STK39: variants seen among roughly 807,000 people sequenced by gnomAD.
The protein encoded by STK39 is STE20/SPS1-related proline-alanine-rich protein kinase.
A neutral mutation model predicts 77.8 loss-of-function variants in STK39; 20 were observed. That is an observed-to-expected ratio of 0.26 (90% confidence interval 0.18 to 0.37). The LOEUF (loss-of-function observed/expected upper bound fraction) is 0.37. Among genes scored for constraint, STK39 ranks in the 10% least tolerant of loss-of-function variants. The pLI, the probability that STK39 is intolerant of heterozygous loss-of-function variation, is 1.00. For missense variants in STK39, 479 were observed against 656.5 expected, an observed-to-expected ratio of 0.73 and a Z score of 2.95; for synonymous variants, 246 against 234.1, an observed-to-expected ratio of 1.05 and a Z score of -0.47.
At chr2:168,181,915 C>T (rs1474932413) in intron 2 of STK39, 63 bp downstream of exon 2, 5 of 1,417,834 alleles carry the variant, frequency 3.5e-6, no homozygotes, top group Non-Finnish European at 5.0e-6. Flanking sequence ...TTCTCCCAAC[C>T]ATCCCCATAT....
At position 168,135,534 on chromosome 2, in the gene STK39, C is replaced by T. The variant is rs569918823; in HGVS notation, c.974+2554G>A. 3.9e-5 allele frequency among the ~76,000 whole-genome samples: 6 copies of T among 152,250 alleles called. No homozygotes were observed. The South Asian group carries it at 6.2e-4, about 16-fold the overall frequency. ...CACAAAAAGAGGGATAGAAAGGGGA[C>T]AGAGGAAGGGCAAGAACTCTCCAAT... On this transcript the variant is annotated intron_variant, in intron 8 of 17. Transcript: ENST00000355999.
chr2:168,169,972 T>C (rs1300545387), intron 2 of STK39, among the ~76,000 whole-genome samples: 2 of 152,154 alleles, frequency 1.3e-5, no homozygotes, highest in Admixed American at 6.5e-5. Context: ...CCCCAACTCC[T>C]GCACCATCCA....
intron 1 of STK39, among the ~76,000 whole-genome samples, chr2:168,244,347 C>T (rs1184966581): frequency 6.6e-6 from 1 of 152,102 alleles, no homozygotes; most frequent in African/African-American, 2.4e-5. Flanking sequence ...CAAACTCTGC[C>T]CAGAAGGAAA....
At chr2:167,955,767 A>G (rs1691748400) in intron 17 of STK39, among the ~76,000 whole-genome samples, 197 bp from the exon 18 acceptor site, 1 of 152,248 alleles carries the variant, frequency 6.6e-6, no homozygotes, top group Non-Finnish European at 1.5e-5. Flanking sequence ...TGTGGCCATC[A>G]TGCTATGAAG....
chr2:168,008,862 C>T (rs1684198622), intron 16 of STK39, among the ~76,000 whole-genome samples: 1 of 152,088 alleles, frequency 6.6e-6, no homozygotes, highest in Non-Finnish European at 1.5e-5. Flanking sequence ...CCCAATACTG[C>T]CAATAGGTCA....
chr2:168,015,026 T>C (rs1684370289), intron 15 of STK39, among the ~76,000 whole-genome samples: 1 of 152,232 alleles, frequency 6.6e-6, no homozygotes, highest in Non-Finnish European at 1.5e-5. Context: ...AAATATTCCA[T>C]ATCTGCGTGC....
chr2:168,233,660 G>GTT (rs1181085865), intron 1 of STK39, among the ~76,000 whole-genome samples: 5 of 152,150 alleles, frequency 3.3e-5, no homozygotes, highest in African/African-American at 1.2e-4. Flanking sequence ...CAAATTCACC[G>GTT]TTTAAGTGAC....
chr2:168,094,973 C>T (rs2105440192), intron 10 of STK39, among the ~76,000 whole-genome samples: 1 of 152,248 alleles, frequency 6.6e-6, no homozygotes, highest in African/African-American at 2.4e-5. Context: ...TCTGTTTTGC[C>T]TTCCATGTCC....
At chr2:168,115,164 AAC>A (rs1687226411) in intron 10 of STK39, among the ~76,000 whole-genome samples, 1 of 152,204 alleles carries the variant, frequency 6.6e-6, no homozygotes, top group Non-Finnish European at 1.5e-5. Flanking sequence ...CTCTCTACAA[AAC>A]AGCTAACTGT....
At chr2:167,967,184 C>A (rs1559037170) in intron 16 of STK39, among the ~76,000 whole-genome samples, 1 of 152,328 alleles carries the variant, frequency 6.6e-6, no homozygotes, top group East Asian at 1.9e-4. Context: ...TCAGTAGCCA[C>A]TGACTCATTT....
At chr2:168,001,252 T>C (rs1399092243) in intron 16 of STK39, among the ~76,000 whole-genome samples, 1 of 142,138 alleles carries the variant, frequency 7.0e-6, no homozygotes, top group Non-Finnish European at 1.5e-5. Flanking sequence ...CTATGATGTA[T>C]CAATTTGGAA....
intron 17 of STK39, among the ~76,000 whole-genome samples, chr2:167,958,064 G>A (rs1187893438): frequency 2.0e-5 from 3 of 152,284 alleles, no homozygotes; most frequent in Non-Finnish European, 2.9e-5. Flanking sequence ...AAGCACAAAT[G>A]AGGGTGATAT....
In STK39 at chr2:167,955,564, C is replaced by T. The variant is rs1691741039; in HGVS notation, c.1570G>A (p.Gly524Ser). The change falls in exon 18 of 18, where the codon GGC becomes AGC. Residue 524 changes from glycine (G) to serine (S), a missense_variant. This residue lies in a region of STK39 where 244 missense variants were observed against 296.8 expected (regional missense o/e 0.82). Coordinates refer to ENST00000355999, the MANE Select transcript of STK39 (RefSeq NM_013233.3). ...LKTLTFKLAS[G>S]CDGSEIPDEV... ...TCAGGAATCTCCGACCCATCACAGC[C>T]AGAAGCCTGAAAAGGGAAAAAGAAA... 1 of 1,613,438 alleles carries T rather than the reference C, an allele frequency of 6.2e-7. No individual in the cohort carries two copies. The highest frequency in any genetic ancestry group is 1.3e-5 in the African/African-American group (1 of 74,898).
At chr2:168,235,423 G>A (rs1231072179) in intron 1 of STK39, among the ~76,000 whole-genome samples, 2 of 150,610 alleles carry the variant, frequency 1.3e-5, no homozygotes, top group African/African-American at 2.5e-5. Flanking sequence ...ACTGAATTAG[G>A]GCAGAATCAC....
chr2:167,979,532 G>C (rs1369696995), intron 16 of STK39, among the ~76,000 whole-genome samples: 1 of 152,202 alleles, frequency 6.6e-6, no homozygotes, highest in Non-Finnish European at 1.5e-5. Context: ...TGCTGAATTA[G>C]GTAGAAGCCT....
intron 5 of STK39, among the ~76,000 whole-genome samples, chr2:168,159,299 G>A (rs553763788): frequency 5.3e-5 from 8 of 152,052 alleles, no homozygotes; most frequent in Non-Finnish European, 1.0e-4. Context: ...TGTATTATTT[G>A]TCCAGGTAGC....
intron 4 of STK39, 49 bp downstream of exon 4, chr2:168,163,690 T>G (rs202072323): frequency 1.3e-5 from 21 of 1,610,150 alleles, no homozygotes; most frequent in Non-Finnish European, 1.8e-5. Context: ...TTCCAAAACC[T>G]CTTTAAGATA....
intron 16 of STK39, among the ~76,000 whole-genome samples, chr2:167,983,238 G>A (rs987971422): frequency 1.3e-5 from 2 of 152,070 alleles, no homozygotes; most frequent in Non-Finnish European, 2.9e-5. Flanking sequence ...CCAGCACTTT[G>A]GGGGGCTGAG....
intron 1 of STK39, among the ~76,000 whole-genome samples, chr2:168,217,214 G>A (rs542805498): frequency 1.3e-5 from 2 of 152,236 alleles, no homozygotes; most frequent in South Asian, 4.1e-4. Context: ...TAATGAGTCT[G>A]AATTCCTTAA....
Sources: allele counts gnomAD v4.1 joint callset (sites outside exome capture counted in the v4.1 genomes callset), GRCh38; gene constraint gnomAD v4.1.1; regional missense constraint gnomAD v4.1.1; transcripts MANE v1.5; gene names NCBI Gene and HGNC (gene_info 2026-07-23, HGNC 2026-07-21).